PHF14: variants seen among roughly 807,000 people sequenced by gnomAD.
The protein encoded by PHF14 is PHD finger protein 14.
Under a neutral mutation model 117.9 loss-of-function variants are expected in PHF14, and 55 were observed. That is an observed-to-expected ratio of 0.47 (90% CI 0.38 to 0.58). PHF14 has a LOEUF of 0.58. Among genes scored for constraint, PHF14 ranks in the 20% least tolerant of loss-of-function variants. PHF14 has a pLI of 0.00. For missense variants in PHF14, 978 were observed against 1,122.2 expected, an observed-to-expected ratio of 0.87 and a Z score of 1.84; for synonymous variants, 409 against 368.6, an observed-to-expected ratio of 1.11 and a Z score of -1.26.
chr7:11,061,761 T>A (rs1044246334), intron 14 of PHF14, 30 bp from the exon 15 acceptor site: 1 of 1,484,086 alleles, frequency 6.7e-7, no homozygotes, highest in African/African-American at 1.4e-5. Context: ...TGGATTTTTG[T>A]TTTTTGTTTT....
chr7:10,985,636 C>CCGGTTTTTTTTTTTTTTTTTTT lies in PHF14; in HGVS notation c.900+2477_900+2478insCGGTTTTTTTTTTTTTTTTTTT, dbSNP rs750860479. Reference sequence around the variant, plus strand: ...ATACTCTCTAGCAGTGATTCTCAAACTGTTTTTTTTTTTTTTTTTTTTTTT... The same window carrying CCGGTTTTTTTTTTTTTTTTTTT: ...ATACTCTCTAGCAGTGATTCTCAAACCGGTTTTTTTTTTTTTTTTTTTTGTTTTTTTTTTTTTTTTTTTTTTT... On this transcript the variant is annotated intron_variant, in intron 3 of 17. Transcript: ENST00000634607. Among the ~76,000 whole-genome samples the CCGGTTTTTTTTTTTTTTTTTTT allele has an allele frequency of 1.4e-4, 13 of 90,864 alleles. No individual in the cohort carries two copies. In the East Asian group the frequency reaches 3.7e-3, roughly 26 times the overall value. The allele number at this position is 90,864 out of a possible 152,430, so 59.6% of individuals were successfully genotyped here. A position where few individuals can be genotyped will look rare whatever the true frequency, so the allele number is the denominator to read the frequency against.
chr7:11,061,753 G>A (rs1250731526), intron 14 of PHF14, 38 bp from the exon 15 acceptor site: 1 of 1,454,466 alleles, frequency 6.9e-7, no homozygotes, highest in Non-Finnish European at 9.1e-7. Context: ...ATATACTGTG[G>A]ATTTTTGTTT....
At chr7:11,045,427 C>A (rs939446818) in intron 13 of PHF14, among the ~76,000 whole-genome samples, 14 of 152,146 alleles carry the variant, frequency 9.2e-5, no homozygotes, top group Non-Finnish European at 1.3e-4. Context: ...TTTTTGCTGT[C>A]TTTATGTTTT....
chr7:11,102,877 G>A, intron 16 of PHF14: 1 of 1,133,192 alleles, frequency 8.8e-7, no homozygotes, highest in Non-Finnish European at 1.1e-6. Context: ...TTGCTTCTTT[G>A]GCAAATGTTG....
chr7:11,108,243 G>T (rs1333961056), intron 16 of PHF14: 1 of 151,680 alleles, frequency 6.6e-6, no homozygotes, highest in Non-Finnish European at 1.5e-5. Context: ...AGAAACAACA[G>T]ATTTTTTTCA....
intron 4 of PHF14, among the ~76,000 whole-genome samples, chr7:11,005,309 C>T (rs1021295384): frequency 6.6e-6 from 1 of 152,176 alleles, no homozygotes. Context: ...TATTAGGAAG[C>T]ATTTACTGTG....
At chr7:11,114,738 T>C (rs1787550019) in intron 17 of PHF14, among the ~76,000 whole-genome samples, 1 of 152,076 alleles carries the variant, frequency 6.6e-6, no homozygotes, top group Non-Finnish European at 1.5e-5. Flanking sequence ...TTTACATACA[T>C]GGAGGCACAA....
At chr7:11,137,591 T>C (rs1053886575) in intron 17 of PHF14, among the ~76,000 whole-genome samples, 1 of 36,704 alleles carries the variant, frequency 2.7e-5, no homozygotes, top group African/African-American at 1.3e-4. Flanking sequence ...TTAAAAATTC[T>C]TTTTTTTTTT....
chr7:11,059,706 G>A (rs73063442), intron 14 of PHF14, among the ~76,000 whole-genome samples: 11,192 of 151,988 alleles, frequency 0.074, 525 homozygotes, highest in Middle Eastern at 0.16. Flanking sequence ...CCTGGGAGGC[G>A]GAAACTACAG....
intron 16 of PHF14, among the ~76,000 whole-genome samples, chr7:11,070,157 C>T (rs1048306800): frequency 6.6e-6 from 1 of 152,062 alleles, no homozygotes; most frequent in African/African-American, 2.4e-5. Flanking sequence ...CAGCTCACTG[C>T]AGCCTGAACT....
intron 3 of PHF14, among the ~76,000 whole-genome samples, chr7:10,984,389 A>C (rs192912104): frequency 6.6e-6 from 1 of 152,146 alleles, no homozygotes; most frequent in African/African-American, 2.4e-5. Context: ...ATGTCATTCT[A>C]ATTCTTACCT....
intron 4 of PHF14, among the ~76,000 whole-genome samples, chr7:10,997,198 T>G (rs1782684858): frequency 6.6e-6 from 1 of 152,198 alleles, no homozygotes; most frequent in South Asian, 2.1e-4. Context: ...TTCTCTATAG[T>G]AGAGTTTAAT....
chr7:11,114,991 G>T (rs1402602154), intron 17 of PHF14, among the ~76,000 whole-genome samples: 1 of 152,012 alleles, frequency 6.6e-6, no homozygotes, highest in Non-Finnish European at 1.5e-5. Context: ...GAAAAGAAAT[G>T]TGTTTTCTTC....
chr7:11,148,487 G>A (rs562816214), intron 17 of PHF14, among the ~76,000 whole-genome samples: 2 of 152,088 alleles, frequency 1.3e-5, no homozygotes, highest in Non-Finnish European at 2.9e-5. Context: ...CAGCTCTTTT[G>A]TAGCAGGGCT....
intron 16 of PHF14, chr7:11,103,313 A>G: frequency 4.6e-6 from 4 of 877,312 alleles, no homozygotes; most frequent in Non-Finnish European, 5.5e-6. Flanking sequence ...GTTTTAATAT[A>G]AGCTTTCTGT....
chr7:11,109,863 A>AT (rs1385901736), intron 16 of PHF14: 1 of 151,930 alleles, frequency 6.6e-6, no homozygotes, highest in Non-Finnish European at 1.5e-5. Context: ...CATAGTAAGC[A>AT]TTTTTTAAAG....
At chr7:11,134,696 T>C (rs1375790856) in intron 17 of PHF14, among the ~76,000 whole-genome samples, 3 of 152,098 alleles carry the variant, frequency 2.0e-5, no homozygotes, top group Non-Finnish European at 4.4e-5. Context: ...CATCATTTAT[T>C]GGTTCAGTCT....
intron 4 of PHF14, among the ~76,000 whole-genome samples, chr7:11,006,145 G>A (rs1189002786): frequency 6.6e-6 from 1 of 152,090 alleles, no homozygotes; most frequent in Non-Finnish European, 1.5e-5. Flanking sequence ...CTACCAAAAG[G>A]ACTGTACTAA....
Position 11,130,721 on chromosome 7 carries a change from G to C in PHF14, c.2772+19254G>C, listed in dbSNP as rs971839309. ...TACATTATAACTTATTTTTTGTGTG[G>C]TACATTCTGTGGGTTTTGACAGTTG... On this transcript the variant is annotated intron_variant, in intron 17 of 17. Coordinates refer to ENST00000634607, the MANE Select transcript of PHF14 (RefSeq NM_001007157.2). The surrounding 1 kb of genome is among the most constrained non-coding windows in gnomAD (Gnocchi z 4.2). Among the ~76,000 whole-genome samples, 3 of 151,628 alleles carry C rather than the reference G, an allele frequency of 2.0e-5. No homozygotes were observed. Among genetic ancestry groups the C allele is most frequent in the Non-Finnish European group, 4.4e-5 (3 of 67,854 alleles).
Sources: allele counts gnomAD v4.1 joint callset (sites outside exome capture counted in the v4.1 genomes callset), GRCh38; gene constraint gnomAD v4.1.1; non-coding constraint Gnocchi (gnomAD v3.1); transcripts MANE v1.5; gene names NCBI Gene and HGNC (gene_info 2026-07-23, HGNC 2026-07-21).